The following IL1RAPL2 variants were observed in gnomAD, a reference collection of about 807,000 sequenced individuals.
IL1RAPL2 encodes the protein X-linked interleukin-1 receptor accessory protein-like 2.
IL1RAPL2 carries 3 observed loss-of-function variants against 44.1 expected under a neutral mutation model. The observed-to-expected ratio is 0.07, with a 90% CI of 0.03 to 0.18. The LOEUF is 0.18. Among genes scored for constraint, IL1RAPL2 ranks in the 10% least tolerant of loss-of-function variants. IL1RAPL2 has a pLI of 1.00. For missense variants in IL1RAPL2, 391 were observed against 496.4 expected (o/e 0.79, Z 2.02); for synonymous variants, 181 against 178.8 (o/e 1.01, Z -0.10).
chrX:105,740,506 A>C (rs771667735), intron 7 of IL1RAPL2, 40 bp from the exon 8 acceptor site: 14 of 1,192,587 alleles, frequency 1.2e-5, no homozygotes, highest in Middle Eastern at 2.3e-4. Flanking sequence ...TTTCTCCCCA[A>C]ATCAAGCCAA....
At chrX:105,391,930 G>A (rs1213759380) in intron 5 of IL1RAPL2, among the ~76,000 whole-genome samples, 14 of 84,714 alleles carry the variant, frequency 1.7e-4, no homozygotes, top group Non-Finnish European at 2.5e-4. Context: ...TCACTCATAG[G>A]TGGGAATTGA....
intron 6 of IL1RAPL2, among the ~76,000 whole-genome samples, chrX:105,516,414 A>G (rs1434223265): frequency 1.8e-5 from 2 of 111,891 alleles, no homozygotes; most frequent in East Asian, 2.8e-4. Context: ...TGATTACAAG[A>G]TGGCATGACA....
intron 2 of IL1RAPL2, among the ~76,000 whole-genome samples, chrX:104,876,835 C>T (rs1245228502): frequency 6.5e-5 from 7 of 108,456 alleles, no homozygotes; most frequent in Non-Finnish European, 9.6e-5. Flanking sequence ...CCCACTAACT[C>T]GTCATCTAGC....
At chrX:105,141,788 T>C (rs1415677751) in intron 2 of IL1RAPL2, among the ~76,000 whole-genome samples, 1 of 112,331 alleles carries the variant, frequency 8.9e-6, no homozygotes, top group Non-Finnish European at 1.9e-5. Context: ...ATTTCTGCAA[T>C]TGACAGTTTG....
At chrX:104,765,247 A>G (rs1932535708) in intron 2 of IL1RAPL2, among the ~76,000 whole-genome samples, 1 of 110,956 alleles carries the variant, frequency 9.0e-6, no homozygotes, top group Non-Finnish European at 1.9e-5. Flanking sequence ...GTTACTTGTT[A>G]TTGGTGTGTT....
chrX:105,661,769 G>C (rs189206003), intron 6 of IL1RAPL2, among the ~76,000 whole-genome samples: 133 of 112,410 alleles, frequency 1.2e-3, no homozygotes, highest in African/African-American at 3.6e-3. Context: ...AAGCCATTCT[G>C]CATTCTTTTT....
chrX:105,696,679 A>T (rs977146027), intron 6 of IL1RAPL2, among the ~76,000 whole-genome samples: 1 of 111,225 alleles, frequency 9.0e-6, no homozygotes, highest in African/African-American at 3.3e-5. Flanking sequence ...GAAGACTGTG[A>T]CTTAGGGCAC....
intron 4 of IL1RAPL2, among the ~76,000 whole-genome samples, chrX:105,238,265 A>C (rs1304574934): frequency 8.9e-6 from 1 of 112,402 alleles, no homozygotes; most frequent in African/African-American, 3.2e-5. Context: ...TATAGTTGAC[A>C]GTGTACAGAG....
At chrX:104,738,733 A>T (rs1932055538) in intron 2 of IL1RAPL2, among the ~76,000 whole-genome samples, 1 of 111,492 alleles carries the variant, frequency 9.0e-6, no homozygotes, top group Non-Finnish European at 1.9e-5. Context: ...TGAGGCCAGG[A>T]GTTCAAGACC....
chrX:105,037,304 G>C (rs2031646693), intron 2 of IL1RAPL2, among the ~76,000 whole-genome samples: 1 of 111,023 alleles, frequency 9.0e-6, no homozygotes, highest in African/African-American at 3.3e-5. Context: ...TGATTTTTTT[G>C]GGAAAACTGA....
rs146219312 is a variant in IL1RAPL2 at position 105,280,510 on chromosome X, A to G, written c.697+12969A>G. On this transcript the variant is annotated intron_variant, in intron 5 of 10. Transcript: ENST00000372582. Reference sequence around the variant, plus strand: ...AACAGGCAACCTACGGAATGGGAGAAAATTTTTGCAATCTATCCATCTGAC... The same window carrying G: ...AACAGGCAACCTACGGAATGGGAGAGAATTTTTGCAATCTATCCATCTGAC... 1.7e-3 allele frequency among the ~76,000 whole-genome samples: 193 copies of G among 111,970 alleles called. 1 individual carries two copies. Among genetic ancestry groups the G allele is most frequent in the African/African-American group, 5.6e-3 (174 of 30,872 alleles).
intron 2 of IL1RAPL2, among the ~76,000 whole-genome samples, chrX:104,760,829 G>A (rs1196335394): frequency 9.0e-6 from 1 of 111,328 alleles, no homozygotes; most frequent in African/African-American, 3.3e-5. Context: ...TATGCTTGTG[G>A]GGTATTACTC....
At chrX:104,612,730 T>C (rs1197725304) in intron 1 of IL1RAPL2, among the ~76,000 whole-genome samples, 1 of 111,713 alleles carries the variant, frequency 9.0e-6, no homozygotes, top group African/African-American at 3.3e-5. Flanking sequence ...ATTGGTAGTT[T>C]GATAGGAATA....
At chrX:104,703,256 G>T (rs963871449) in intron 2 of IL1RAPL2, among the ~76,000 whole-genome samples, 3 of 111,048 alleles carry the variant, frequency 2.7e-5, no homozygotes, top group African/African-American at 9.8e-5. Flanking sequence ...CAATTAATCT[G>T]CCATCCATAG....
rs536273384 is a variant in IL1RAPL2, at chrX:105,465,143, G to A, written c.698-19170G>A. Among the ~76,000 whole-genome samples, 18 of 112,263 alleles carry A rather than the reference G, an allele frequency of 1.6e-4. No individual in the cohort carries two copies. The South Asian group carries it at 6.5e-3, about 41-fold the overall frequency. ...AGCTAGAAACCCTTTAACCACTATTGTATTGACTACTTGGCATTAAAGCAA... is the reference window on the plus strand; with the variant it reads ...AGCTAGAAACCCTTTAACCACTATTATATTGACTACTTGGCATTAAAGCAA... On this transcript the variant is annotated intron_variant, in intron 5 of 10. Coordinates refer to ENST00000372582, the MANE Select transcript of IL1RAPL2 (RefSeq NM_017416.2).
chrX:104,907,334 C>A (rs1156733596), intron 2 of IL1RAPL2, among the ~76,000 whole-genome samples: 4 of 111,098 alleles, frequency 3.6e-5, no homozygotes, highest in Non-Finnish European at 7.5e-5. Context: ...TTATTTCTTG[C>A]CTTCTGCTAG....
intron 2 of IL1RAPL2, among the ~76,000 whole-genome samples, chrX:104,891,609 G>A (rs777670322): frequency 2.7e-5 from 3 of 111,917 alleles, no homozygotes; most frequent in African/African-American, 9.7e-5. Context: ...CATTATTGAT[G>A]TATAAGAATG....
chrX:104,566,213 C>T lies in IL1RAPL2; in HGVS notation c.-858C>T, dbSNP rs1251893553. 8.9e-6 allele frequency: 1 copy of T among 111,890 alleles called. No homozygotes were observed. The highest frequency in any genetic ancestry group is 1.9e-5 in the Non-Finnish European group (1 of 53,154). 9.2% of individuals were successfully genotyped at this position (111,890 alleles called of 1,213,427 possible). A position where few individuals can be genotyped will look rare whatever the true frequency, so the allele number is the denominator to read the frequency against. ...CCGGTGCAATCAGTCAGCCAGGAGGCTCCAAACTGTTAGCGACAAAAACGC... is the reference window on the plus strand; with the variant it reads ...CCGGTGCAATCAGTCAGCCAGGAGGTTCCAAACTGTTAGCGACAAAAACGC... On this transcript the variant is annotated 5_prime_UTR_variant, in exon 1 of 11. Coordinates refer to ENST00000372582, the MANE Select transcript of IL1RAPL2 (RefSeq NM_017416.2).
intron 2 of IL1RAPL2, among the ~76,000 whole-genome samples, chrX:104,942,075 C>T (rs1047516903): frequency 9.0e-6 from 1 of 111,700 alleles, no homozygotes; most frequent in Non-Finnish European, 1.9e-5. Context: ...GTTTTGGTAC[C>T]AGTACCATGC....
Sources: gnomAD v4.1 joint callset for allele counts (sites outside exome capture counted in the v4.1 genomes callset) on GRCh38, gnomAD v4.1.1 for gene constraint, MANE v1.5 for transcripts, NCBI Gene and HGNC (gene_info 2026-07-23, HGNC 2026-07-21) for gene names.